UBE3B: variants seen among roughly 807,000 people sequenced by gnomAD.
The protein encoded by UBE3B is ubiquitin-protein ligase E3B.
UBE3B carries 80 observed loss-of-function variants against 132.3 expected under a neutral mutation model. The ratio of observed to expected loss-of-function variants is 0.60; its 90% CI spans 0.50 to 0.73. The LOEUF (loss-of-function observed/expected upper bound fraction) is 0.73. Ranked by LOEUF, UBE3B falls within the 30% of genes least tolerant of loss-of-function variation. The pLI, the probability that UBE3B is intolerant of heterozygous loss-of-function variation, is 0.00. For missense variants in UBE3B, 1,196 were observed against 1,362.5 expected, an observed-to-expected ratio of 0.88 and a Z score of 1.92; for synonymous variants, 487 against 520.4, an observed-to-expected ratio of 0.94 and a Z score of 0.87.
At chr12:109,533,267 C>T (rs576677571) in intron 26 of UBE3B, among the ~76,000 whole-genome samples, 199 bp from the exon 27 acceptor site, 2 of 152,256 alleles carry the variant, frequency 1.3e-5, no homozygotes, top group African/African-American at 4.8e-5. Flanking sequence ...TCTTAGTCCC[C>T]GAGAGCAGCA....
intron 24 of UBE3B, among the ~76,000 whole-genome samples, chr12:109,528,986 C>A (rs952477970): frequency 2.0e-5 from 3 of 152,064 alleles, no homozygotes; most frequent in African/African-American, 7.2e-5. Flanking sequence ...ATGGTGAACC[C>A]CATCTCTACT....
Position 109,524,423 on chromosome 12 carries a change from T to C in UBE3B, c.2503-15T>C. On this transcript the variant is annotated splice_polypyrimidine_tract_variant and intron_variant, in intron 22 of 27. Transcript: ENST00000342494. ...CTCCATGGCCCTAACACTTTCCCCT[T>C]CTCTGTTACATTAGCGCTATGATGG... 1 of 1,614,130 alleles carries C rather than the reference T, an allele frequency of 6.2e-7. No individual in the cohort carries two copies. The highest frequency in any genetic ancestry group is 8.5e-7 in the Non-Finnish European group (1 of 1,179,976).
intron 12 of UBE3B, 116 bp downstream of exon 12, chr12:109,499,926 T>A: frequency 5.7e-6 from 5 of 884,380 alleles, no homozygotes; most frequent in Non-Finnish European, 7.6e-6. Flanking sequence ...ATAATATGTA[T>A]TCATTATATA....
chr12:109,526,870 C>CAAA (rs10679640), intron 24 of UBE3B, among the ~76,000 whole-genome samples: 51 of 123,866 alleles, frequency 4.1e-4, no homozygotes, highest in African/African-American at 7.9e-4. Flanking sequence ...GACTCCGTCT[C>CAAA]AAAAAAAAAA....
rs879179660 is a variant in UBE3B at position 109,522,663 on chromosome 12, C to A, written c.2364+1112C>A. On this transcript the variant is annotated intron_variant, in intron 21 of 27. Coordinates refer to ENST00000342494, the MANE Select transcript of UBE3B (RefSeq NM_130466.4). This position sits in a 1 kb window ranked among gnomAD's most constrained non-coding sequence, Gnocchi z 4.2. The stretch of plus-strand genomic sequence containing the variant: ...GTCTCAGGGCCAAACTCCTTTCACT[C>A]TCGAATAATCCATTGTTCTCTCTGT... Among the ~76,000 whole-genome samples, 3 of 152,198 alleles carry A rather than the reference C, an allele frequency of 2.0e-5. No individual in the cohort carries two copies. Among genetic ancestry groups the A allele is most frequent in the Admixed American group, 2.0e-4 (3 of 15,278 alleles).
At chr12:109,491,517 G>A (rs1044027991) in intron 9 of UBE3B, 3 of 162,158 alleles carry the variant, frequency 1.9e-5, no homozygotes, top group African/African-American at 7.2e-5. Flanking sequence ...ATGTGAATAC[G>A]CATGTAAAAT....
At chr12:109,526,492 ATT>A in intron 24 of UBE3B, 76 bp downstream of exon 24, 1 of 1,427,146 alleles carries the variant, frequency 7.0e-7, no homozygotes, top group South Asian at 1.2e-5. Flanking sequence ...TATGTTGAGA[ATT>A]TATTAAGATA....
chr12:109,504,140 A>G (rs1308378106), intron 14 of UBE3B, among the ~76,000 whole-genome samples: 1 of 152,224 alleles, frequency 6.6e-6, no homozygotes, highest in Non-Finnish European at 1.5e-5. Context: ...CTACAGCAGG[A>G]TTTCTCAGCC....
At chr12:109,536,940 C>T (rs1883473859), downstream of UBE3B, among the ~76,000 whole-genome samples, 2 of 152,216 alleles carry the variant, frequency 1.3e-5, no homozygotes, top group Admixed American at 1.3e-4. Flanking sequence ...GCCCATCCCT[C>T]TCACCCACTT....
intron 8 of UBE3B, 142 bp from the exon 9 acceptor site, chr12:109,490,903 G>A (rs982379532): frequency 4.1e-5 from 44 of 1,072,582 alleles, no homozygotes; most frequent in Non-Finnish European, 5.6e-5. Flanking sequence ...CTCCTGAGCT[G>A]GGACTGTAGG....
intron 4 of UBE3B, among the ~76,000 whole-genome samples, chr12:109,484,455 G>T (rs1440384618): frequency 6.6e-6 from 1 of 151,900 alleles, no homozygotes; most frequent in Non-Finnish European, 1.5e-5. Context: ...CAGTGGCGCA[G>T]TCTTGGCTCA....
rs547396533 is a variant in UBE3B, at chr12:109,528,600, T to A, written c.2628-1290T>A. On this transcript the variant is annotated intron_variant, in intron 24 of 27. Transcript: ENST00000342494. Reference sequence around the variant, plus strand: ...TGGGTGCGTTGGCTCACACCTGTAATCCCAGCACTTTGGGAGGCCAAGGCA... The same window carrying A: ...TGGGTGCGTTGGCTCACACCTGTAAACCCAGCACTTTGGGAGGCCAAGGCA... 53 of 683,376 alleles carry A rather than the reference T, an allele frequency of 7.8e-5. 1 individual carries two copies. In the African/African-American group the frequency reaches 9.5e-4, roughly 12 times the overall value. 42.3% of individuals were successfully genotyped at this position (683,376 alleles called of 1,614,324 possible).
At chr12:109,491,704 G>A (rs977520187) in intron 9 of UBE3B, 1 of 152,212 alleles carries the variant, frequency 6.6e-6, no homozygotes, top group African/African-American at 2.4e-5. Flanking sequence ...AACTGTCAAG[G>A]GGAACACTAG....
At chr12:109,542,793 C>G in the UBE3B span, among the ~76,000 whole-genome samples, 1 of 152,202 alleles carries the variant, frequency 6.6e-6, no homozygotes, top group Non-Finnish European at 1.5e-5. Context: ...CCCTGTGAAT[C>G]TCTTGATTTC....
At chr12:109,510,511 C>A in intron 17 of UBE3B, 53 bp downstream of exon 17, 2 of 1,419,474 alleles carry the variant, frequency 1.4e-6, no homozygotes, top group East Asian at 2.4e-5. Flanking sequence ...CTCCGGCACG[C>A]TGCCCGAGCA....
At chr12:109,541,800 G>A in the UBE3B span, among the ~76,000 whole-genome samples, 11 of 152,150 alleles carry the variant, frequency 7.2e-5, no homozygotes, top group African/African-American at 2.2e-4. Context: ...TGGCCCCTGC[G>A]TGCTTGGCTG....
Position 109,491,031 on chromosome 12 carries a change from A to T in UBE3B, c.631-14A>T. ...TTGATATCATCCTCTGACCAATTAA[A>T]ACATTCTTTTCAGATATTGTTAACC... On this transcript the variant is annotated splice_polypyrimidine_tract_variant and intron_variant, in intron 8 of 27. Coordinates refer to ENST00000342494, the MANE Select transcript of UBE3B (RefSeq NM_130466.4). The T allele has an allele frequency of 6.2e-7, 1 of 1,612,520 alleles. No homozygotes were observed. Among genetic ancestry groups the T allele is most frequent in the South Asian group, 1.1e-5 (1 of 90,854 alleles).
chr12:109,486,415 A>G (rs1386869178), intron 5 of UBE3B, 56 bp from the exon 6 acceptor site: 1 of 1,398,004 alleles, frequency 7.2e-7, no homozygotes, highest in South Asian at 1.2e-5. Context: ...CAGTTAGAGC[A>G]CAAGTGATAT....
At position 109,521,043 on chromosome 12, in the gene UBE3B, A is replaced by G; in HGVS notation, c.2077-105A>G. On this transcript the variant is annotated intron_variant, in intron 19 of 27. Coordinates refer to ENST00000342494, the MANE Select transcript of UBE3B (RefSeq NM_130466.4). The surrounding 1 kb of genome is among the most constrained non-coding windows in gnomAD (Gnocchi z 4.2). ...TGCATCCACGTTTCATAATTTGCAC[A>G]TTTGGTAATGATGCTGGGAGAGCTT... is the stretch of plus-strand genomic sequence containing the variant. 1 of 1,349,106 alleles carries G rather than the reference A, an allele frequency of 7.4e-7. No homozygotes were observed. The highest frequency in any genetic ancestry group is 1.4e-5 in the South Asian group (1 of 71,388). The allele number at this position is 1,349,106 out of a possible 1,614,324, so 83.6% of individuals were successfully genotyped here. A position where few individuals can be genotyped will look rare whatever the true frequency, so the allele number is the denominator to read the frequency against.
Sources: allele counts gnomAD v4.1 joint callset (sites outside exome capture counted in the v4.1 genomes callset), GRCh38; gene constraint gnomAD v4.1.1; non-coding constraint Gnocchi (gnomAD v3.1); transcripts MANE v1.5; gene names NCBI Gene and HGNC (gene_info 2026-07-23, HGNC 2026-07-21).